PCSK2: variants seen among roughly 807,000 people sequenced by gnomAD.
PCSK2 encodes the protein neuroendocrine convertase 2.
Under a neutral mutation model 69.7 loss-of-function variants are expected in PCSK2, and 14 were observed. The observed-to-expected ratio is 0.20, with a 90% CI of 0.13 to 0.31. The LOEUF is 0.31. PCSK2 is among the 10% of genes least tolerant of loss of function. PCSK2 has a pLI of 1.00. For missense variants in PCSK2, 544 were observed against 842.5 expected (o/e 0.65, Z 4.39); for synonymous variants, 307 against 320.7 (o/e 0.96, Z 0.46).
At chr20:17,464,890 G>A (rs2284916) in intron 10 of PCSK2, 114,406 of 262,720 alleles carry the variant, frequency 0.44, 25,491 homozygotes, top group South Asian at 0.59. Context: ...CATTTGGTCA[G>A]GTATATGCCT....
chr20:17,367,794 G>A (rs1568620977), intron 4 of PCSK2, among the ~76,000 whole-genome samples: 1 of 152,168 alleles, frequency 6.6e-6, no homozygotes, highest in Non-Finnish European at 1.5e-5. Flanking sequence ...CACCATGCCT[G>A]ACCAAAATTG....
intron 5 of PCSK2, among the ~76,000 whole-genome samples, chr20:17,383,913 C>G (rs2031158680): frequency 6.6e-6 from 1 of 152,188 alleles, no homozygotes; most frequent in Non-Finnish European, 1.5e-5. Context: ...CTGTTCCTCA[C>G]AGGGAATGCT....
chr20:17,375,830 A>C (rs1371993655), intron 5 of PCSK2, among the ~76,000 whole-genome samples: 3 of 152,126 alleles, frequency 2.0e-5, no homozygotes, highest in Non-Finnish European at 2.9e-5. Context: ...GCAAATACAG[A>C]AGTTTGCATT....
intron 2 of PCSK2, among the ~76,000 whole-genome samples, chr20:17,286,317 G>A (rs935431537): frequency 9.2e-5 from 14 of 152,186 alleles, no homozygotes; most frequent in African/African-American, 3.4e-4. Context: ...AAACCCAGAT[G>A]TCTCTTGAAT....
chr20:17,372,581 G>A (rs1177329917), intron 5 of PCSK2, among the ~76,000 whole-genome samples: 2 of 152,136 alleles, frequency 1.3e-5, no homozygotes, highest in Non-Finnish European at 2.9e-5. Flanking sequence ...GAATTGAACA[G>A]AAAATGTGAT....
At chr20:17,378,620 GATGGATGGATGGATGGATGGATGA>G (rs66614127) in intron 5 of PCSK2, among the ~76,000 whole-genome samples, 16,557 of 149,870 alleles carry the variant, frequency 0.11, 1,032 homozygotes, top group Non-Finnish European at 0.14. Flanking sequence ...TGGATGGATG[GATGGATGGATGGATGGATGGATGA>G]ATGGATGGAT....
intron 2 of PCSK2, among the ~76,000 whole-genome samples, chr20:17,337,930 A>AG (rs2123165967): frequency 6.7e-6 from 1 of 149,242 alleles, no homozygotes; most frequent in East Asian, 2.0e-4. Flanking sequence ...ACCCATCTCA[A>AG]AAAAAAAAAA....
chr20:17,317,136 A>G (rs1182843065), intron 2 of PCSK2, among the ~76,000 whole-genome samples: 2 of 152,046 alleles, frequency 1.3e-5, no homozygotes, highest in African/African-American at 4.8e-5. Context: ...GCTAGCTCTT[A>G]GTTAGGTAAA....
chr20:17,418,673 C>T lies in PCSK2; in HGVS notation c.620+9334C>T, dbSNP rs188232721. Among the ~76,000 whole-genome samples, 275 of 152,314 alleles carry T rather than the reference C, an allele frequency of 1.8e-3. 2 individuals are homozygous for T. The highest frequency in any genetic ancestry group is 6.3e-3 in the African/African-American group (261 of 41,566). On this transcript the variant is annotated intron_variant, in intron 6 of 11. Transcript: ENST00000262545. ...AGCCCCAATAGCCTGGAGCCTGGCA[C>T]TTGTTGTTGGCTGGCATAGGACCCA...
At chr20:17,358,541 C>G (rs536571410) in intron 3 of PCSK2, 101 bp downstream of exon 3, 25 of 699,194 alleles carry the variant, frequency 3.6e-5, no homozygotes, top group African/African-American at 2.8e-4. Flanking sequence ...TAGCCAGTAT[C>G]CAACCCAGTG....
rs1196145993 is a variant in PCSK2 at position 17,238,833 on chromosome 20, C to T, written c.177+11351C>T. Among the ~76,000 whole-genome samples, 3 of 152,296 alleles carry T rather than the reference C, an allele frequency of 2.0e-5. 1 individual carries two copies. The highest frequency in any genetic ancestry group is 7.2e-5 in the African/African-American group (3 of 41,554). On this transcript the variant is annotated intron_variant, in intron 1 of 11. Transcript: ENST00000262545. ...CACACCAACAACCATTGGGTTTACA[C>T]TTGGTAAAAGACAGAATAGGAATTT...
At chr20:17,386,608 T>C (rs1411474689) in intron 5 of PCSK2, among the ~76,000 whole-genome samples, 2 of 151,932 alleles carry the variant, frequency 1.3e-5, no homozygotes, top group African/African-American at 4.8e-5. Context: ...AGACAAAAGG[T>C]GGAAAGGTAG....
intron 5 of PCSK2, among the ~76,000 whole-genome samples, chr20:17,373,484 G>A (rs986992646): frequency 6.6e-6 from 1 of 152,190 alleles, no homozygotes; most frequent in African/African-American, 2.4e-5. Context: ...GCTTACCAGG[G>A]ACATGAGGGT....
intron 6 of PCSK2, among the ~76,000 whole-genome samples, chr20:17,422,501 A>G (rs1460478029): frequency 6.6e-6 from 1 of 152,214 alleles, no homozygotes; most frequent in Non-Finnish European, 1.5e-5. Flanking sequence ...TAATATATTA[A>G]TTCATTGCAA....
At chr20:17,261,039 A>T (rs772292880) in intron 2 of PCSK2, among the ~76,000 whole-genome samples, 7 of 152,098 alleles carry the variant, frequency 4.6e-5, no homozygotes, top group Non-Finnish European at 7.4e-5. Context: ...ATATCATCTT[A>T]GCAACAAAGT....
intron 8 of PCSK2, among the ~76,000 whole-genome samples, chr20:17,440,123 A>T (rs1387590131): frequency 6.6e-6 from 1 of 152,156 alleles, no homozygotes. Flanking sequence ...CCTGCCCCCC[A>T]TTGGCTGGGG....
chr20:17,296,506 T>C (rs1311332748), intron 2 of PCSK2, among the ~76,000 whole-genome samples: 1 of 152,220 alleles, frequency 6.6e-6, no homozygotes, highest in Non-Finnish European at 1.5e-5. Context: ...ATCTGTTTCC[T>C]GTCTTCCAGA....
intron 11 of PCSK2, among the ~76,000 whole-genome samples, chr20:17,475,441 C>T (rs1269086702): frequency 6.6e-6 from 1 of 152,018 alleles, no homozygotes; most frequent in Non-Finnish European, 1.5e-5. Flanking sequence ...TCTCTCCTTC[C>T]ATCATAAGAA....
intron 8 of PCSK2, among the ~76,000 whole-genome samples, chr20:17,443,479 T>G (rs1471358823): frequency 1.3e-5 from 2 of 152,130 alleles, no homozygotes; most frequent in Admixed American, 1.3e-4. Context: ...TTGTTACACA[T>G]CCAAGCCCCA....
Sources: allele counts gnomAD v4.1 joint callset (sites outside exome capture counted in the v4.1 genomes callset), GRCh38; gene constraint gnomAD v4.1.1; transcripts MANE v1.5; gene names NCBI Gene and HGNC (gene_info 2026-07-23, HGNC 2026-07-21).